Variants in CPEB4 observed in about 807,000 individuals in gnomAD.
CPEB4 encodes cytoplasmic polyadenylation element binding protein 4.
A neutral mutation model predicts 72.5 loss-of-function variants in CPEB4; 12 were observed. The observed-to-expected ratio is 0.17, with a 90% CI of 0.11 to 0.27. CPEB4 has a LOEUF of 0.27. CPEB4 is among the 10% of genes least tolerant of loss of function. The probability of loss-of-function intolerance (pLI) is 1.00; values close to 1 mark genes in which losing one functional copy is unlikely to be tolerated. For synonymous variants in CPEB4, 302 were observed against 326.3 expected (o/e 0.93, Z 0.80); for missense variants, 614 against 908.5 (o/e 0.68, Z 4.17).
At position 173,927,010 on chromosome 5, in the gene CPEB4, G is replaced by A. The variant is rs114672670; in HGVS notation, c.1208-5440G>A. Among the ~76,000 whole-genome samples the A allele has an allele frequency of 6.5e-3, 985 of 152,200 alleles. 8 individuals are homozygous for A. The highest frequency in any genetic ancestry group is 0.023 in the African/African-American group (953 of 41,512). On this transcript the variant is annotated intron_variant, in intron 2 of 9. Coordinates refer to ENST00000265085, the MANE Select transcript of CPEB4 (RefSeq NM_030627.4). ...CAAAAATACAAAAAAAATTACCCGC[G>A]CATGATGGCGGGTGCCAGTAATCCC...
chr5:173,923,848 A>G (rs1173625544), intron 2 of CPEB4, among the ~76,000 whole-genome samples: 1 of 152,110 alleles, frequency 6.6e-6, no homozygotes, highest in African/African-American at 2.4e-5. Flanking sequence ...TCTGTCCTCT[A>G]AATGTAGCAT....
chr5:173,923,447 T>G (rs1371080060), intron 2 of CPEB4, among the ~76,000 whole-genome samples: 1 of 152,152 alleles, frequency 6.6e-6, no homozygotes, highest in Non-Finnish European at 1.5e-5. Context: ...ATTTCATAAG[T>G]TTATCTTGGT....
At chr5:173,894,018 G>A (rs1396526199) in intron 1 of CPEB4, among the ~76,000 whole-genome samples, 1 of 152,008 alleles carries the variant, frequency 6.6e-6, no homozygotes, top group Admixed American at 6.6e-5. Context: ...TTTAAGACAG[G>A]GTCTCGCTTT....
intron 9 of CPEB4, among the ~76,000 whole-genome samples, chr5:173,954,122 G>A (rs1758299757): frequency 6.6e-6 from 1 of 151,960 alleles, no homozygotes; most frequent in Non-Finnish European, 1.5e-5. Flanking sequence ...TGCTGACTTT[G>A]ATATCCATCA....
chr5:173,918,626 A>G (rs914701671), intron 2 of CPEB4, among the ~76,000 whole-genome samples: 1 of 152,176 alleles, frequency 6.6e-6, no homozygotes, highest in Non-Finnish European at 1.5e-5. Context: ...CTCAGTTCAA[A>G]CTAAATGCAT....
intron 1 of CPEB4, among the ~76,000 whole-genome samples, chr5:173,905,474 C>G (rs1581117565): frequency 2.0e-5 from 3 of 152,172 alleles, no homozygotes; most frequent in South Asian, 4.1e-4. Context: ...GCTGGGGTTA[C>G]AGGCACCTGC....
chr5:173,923,689 A>AT (rs932097989), intron 2 of CPEB4, among the ~76,000 whole-genome samples: 13 of 150,884 alleles, frequency 8.6e-5, no homozygotes, highest in Non-Finnish European at 1.9e-4. Context: ...TTTCCATTAT[A>AT]TTTTTTTCAC....
In CPEB4 at chr5:173,889,667, GA is replaced by G. The variant is rs1561599913; in HGVS notation, c.-59del. 45 of 1,376,778 alleles carry G rather than the reference GA, an allele frequency of 3.3e-5. No individual in the cohort carries two copies. Among genetic ancestry groups the G allele is most frequent in the Admixed American group, 7.2e-5 (3 of 41,446 alleles). 85.3% of individuals were successfully genotyped at this position (1,376,778 alleles called of 1,614,324 possible). On this transcript the variant is annotated 5_prime_UTR_variant, in exon 1 of 10. Transcript: ENST00000265085. ...CAAACAACTTAAATTTGGGGTAGAGGAAAAAAAAGGCGTGAGACATCAGGTT... is the reference window on the plus strand; with the variant it reads ...CAAACAACTTAAATTTGGGGTAGAGGAAAAAAAGGCGTGAGACATCAGGTT...
chr5:173,910,257 G>A (rs770090493), intron 1 of CPEB4, among the ~76,000 whole-genome samples: 225 of 151,920 alleles, frequency 1.5e-3, no homozygotes, highest in Non-Finnish European at 2.5e-3. Flanking sequence ...ACAGAAATTC[G>A]TTTTAATGGT....
intron 2 of CPEB4, among the ~76,000 whole-genome samples, chr5:173,912,026 A>C (rs780390171): frequency 2.4e-4 from 35 of 148,076 alleles, no homozygotes; most frequent in Non-Finnish European, 5.2e-4. Flanking sequence ...AGGGAAGAAA[A>C]ATAATGTGTA....
At chr5:173,951,996 T>G in intron 8 of CPEB4, 58 bp downstream of exon 8, 1 of 1,090,876 alleles carries the variant, frequency 9.2e-7, no homozygotes, top group Non-Finnish European at 1.4e-6. Context: ...ATGAAGATCT[T>G]CAGGATAAAT....
intron 2 of CPEB4, among the ~76,000 whole-genome samples, chr5:173,918,768 G>C (rs1756971071): frequency 6.6e-6 from 1 of 152,056 alleles, no homozygotes; most frequent in Non-Finnish European, 1.5e-5. Flanking sequence ...GTTTTTATTT[G>C]GTCTGAAAAT....
intron 2 of CPEB4, among the ~76,000 whole-genome samples, chr5:173,913,913 C>A (rs957220144): frequency 2.0e-5 from 3 of 152,156 alleles, no homozygotes; most frequent in Non-Finnish European, 4.4e-5. Context: ...TAGATTTCAG[C>A]GTATTGCCTA....
Position 173,943,068 on chromosome 5 carries a change from T to C in CPEB4, c.1282+19T>C, listed in dbSNP as rs1377388443. ...AGGAGAGGTAACATTGTTTTTAACT[T>C]TTAAATGTATCACTTGTATTTGGAG... is the stretch of plus-strand genomic sequence containing the variant. On this transcript the variant is annotated intron_variant, in intron 4 of 9. Coordinates refer to ENST00000265085, the MANE Select transcript of CPEB4 (RefSeq NM_030627.4). 1.9e-6 allele frequency: 3 copies of C among 1,610,212 alleles called. No homozygotes were observed. In the South Asian group the frequency reaches 3.3e-5, roughly 18 times the overall value.
At position 173,955,999 on chromosome 5, in the gene CPEB4, T is replaced by C; in HGVS notation, c.2052T>C (p.Cys684=). Residue 684 remains cysteine, a synonymous_variant, in exon 10 of 10, where the codon TGT becomes TGC. Transcript: ENST00000265085. The surrounding 1 kb of genome is among the most constrained non-coding windows in gnomAD (Gnocchi z 4.7). ...RCGGKFAPFF[C]ANVTCLQYYC... is the part of the protein sequence containing the mutation. The stretch of plus-strand genomic sequence containing the variant: ...GGGGGAAATTTGCTCCATTTTTCTG[T>C]GCTAATGTTACCTGTCTGCAGTATT... 1 of 1,614,180 alleles carries C rather than the reference T, an allele frequency of 6.2e-7. No individual in the cohort carries two copies. Among genetic ancestry groups the C allele is most frequent in the South Asian group, 1.1e-5 (1 of 91,080 alleles).
chr5:173,916,609 T>C (rs909529331), intron 2 of CPEB4, among the ~76,000 whole-genome samples: 1 of 152,254 alleles, frequency 6.6e-6, no homozygotes, highest in Admixed American at 6.5e-5. Flanking sequence ...TTTTTCTTGC[T>C]TTATCTACGT....
At chr5:173,912,393 G>A in intron 2 of CPEB4, among the ~76,000 whole-genome samples, 1 of 152,142 alleles carries the variant, frequency 6.6e-6, no homozygotes, top group South Asian at 2.1e-4. Flanking sequence ...TTATAGTTAT[G>A]TAAAATGTTG....
At chr5:173,924,968 A>G (rs1241045608) in intron 2 of CPEB4, among the ~76,000 whole-genome samples, 1 of 152,240 alleles carries the variant, frequency 6.6e-6, no homozygotes, top group East Asian at 1.9e-4. Flanking sequence ...ACAGAGGGTT[A>G]TCTGAATCAA....
chr5:173,922,887 A>G (rs755280319), intron 2 of CPEB4, among the ~76,000 whole-genome samples: 11 of 152,244 alleles, frequency 7.2e-5, no homozygotes, highest in African/African-American at 2.2e-4. Context: ...GGTTGTTGGG[A>G]TATATCAGGG....
Sources: allele counts gnomAD v4.1 joint callset (sites outside exome capture counted in the v4.1 genomes callset), GRCh38; gene constraint gnomAD v4.1.1; non-coding constraint Gnocchi (gnomAD v3.1); transcripts MANE v1.5; gene names NCBI Gene and HGNC (gene_info 2026-07-23, HGNC 2026-07-21).